CNTNAP2: variants seen among roughly 807,000 people sequenced by gnomAD.
CNTNAP2 encodes the protein contactin associated protein 2.
A neutral mutation model predicts 155.2 loss-of-function variants in CNTNAP2; 98 were observed. The ratio of observed to expected loss-of-function variants is 0.63; its 90% CI spans 0.54 to 0.75. The LOEUF is 0.75. Ranked by LOEUF, CNTNAP2 falls within the 30% of genes least tolerant of loss-of-function variation. The pLI, the probability that CNTNAP2 is intolerant of heterozygous loss-of-function variation, is 0.00. For missense variants in CNTNAP2, 1,727 were observed against 1,688.1 expected, an observed-to-expected ratio of 1.02 and a Z score of -0.40; for synonymous variants, 651 against 631.2, an observed-to-expected ratio of 1.03 and a Z score of -0.47.
At chr7:147,868,427 G>C (rs1337140609) in intron 13 of CNTNAP2, among the ~76,000 whole-genome samples, 2 of 152,210 alleles carry the variant, frequency 1.3e-5, no homozygotes, top group Admixed American at 1.3e-4. Context: ...ACAGGGGTCA[G>C]GGACCCACTT....
intron 4 of CNTNAP2, among the ~76,000 whole-genome samples, chr7:147,107,603 G>C (rs1454421320): frequency 6.6e-6 from 1 of 151,932 alleles, no homozygotes; most frequent in African/African-American, 2.4e-5. Context: ...AAATTCGATT[G>C]GTTGTAAACT....
intron 11 of CNTNAP2, among the ~76,000 whole-genome samples, chr7:147,491,343 C>T (rs533845649): frequency 1.3e-5 from 2 of 152,228 alleles, no homozygotes; most frequent in Admixed American, 1.3e-4. Flanking sequence ...GACATTTGCA[C>T]ATCTACCTCT....
chr7:147,357,838 A>C (rs1796089517), intron 9 of CNTNAP2, among the ~76,000 whole-genome samples: 1 of 152,086 alleles, frequency 6.6e-6, no homozygotes, highest in Admixed American at 6.6e-5. Flanking sequence ...GAGTTAATAA[A>C]GCTTCTACGT....
chr7:148,006,478 C>T (rs1231993512), intron 15 of CNTNAP2, among the ~76,000 whole-genome samples: 2 of 151,746 alleles, frequency 1.3e-5, no homozygotes, highest in Non-Finnish European at 2.9e-5. Context: ...CGCCACCACG[C>T]CTGGCTATTT....
chr7:146,393,085 CT>C (rs1795568671), intron 1 of CNTNAP2, among the ~76,000 whole-genome samples: 1 of 152,092 alleles, frequency 6.6e-6, no homozygotes, highest in African/African-American at 2.4e-5. Flanking sequence ...GCTTTTTGCG[CT>C]TCTATTATCT....
At chr7:147,862,617 G>A (rs529515007) in intron 13 of CNTNAP2, among the ~76,000 whole-genome samples, 118 of 134,958 alleles carry the variant, frequency 8.7e-4, no homozygotes, top group Middle Eastern at 7.4e-3. Context: ...GTATGTCTGA[G>A]ACCACTCATA....
intron 3 of CNTNAP2, among the ~76,000 whole-genome samples, chr7:146,988,265 C>T (rs1248936054): frequency 6.6e-6 from 1 of 151,978 alleles, no homozygotes; most frequent in Non-Finnish European, 1.5e-5. Context: ...TAGAATTCAA[C>T]TTACCAGAGA....
In CNTNAP2 at chr7:147,674,710, T is replaced by C. The variant is rs527481904; in HGVS notation, c.2098+35404T>C. Among the ~76,000 whole-genome samples, 6 of 152,290 alleles carry C rather than the reference T, an allele frequency of 3.9e-5. No individual in the cohort carries two copies. The East Asian group carries it at 1.2e-3, about 29-fold the overall frequency. On this transcript the variant is annotated intron_variant, in intron 13 of 23. Coordinates refer to ENST00000361727, the MANE Select transcript of CNTNAP2 (RefSeq NM_014141.6). ...GAAATTTACACTGGTAATTGGAGCT[T>C]GTCCATAGAATTTATTCCTTATTAC...
chr7:147,792,497 AGTGTGT>A lies in CNTNAP2; in HGVS notation c.2099-111055_2099-111050del, dbSNP rs3054133. ...TGTTTTTGAAGTCAATCCACGTTGT[AGTGTGT>A]GTGTGTGTGTGTATATATATATATC... On this transcript the variant is annotated intron_variant, in intron 13 of 23. Coordinates refer to ENST00000361727, the MANE Select transcript of CNTNAP2 (RefSeq NM_014141.6). Among the ~76,000 whole-genome samples, 28 of 150,734 alleles carry A rather than the reference AGTGTGT, an allele frequency of 1.9e-4. 1 individual carries two copies. In the South Asian group the frequency reaches 5.7e-3, roughly 31 times the overall value.
chr7:147,149,035 CGCTGCTGGCTGGGGTG>C (rs201038829), intron 8 of CNTNAP2, among the ~76,000 whole-genome samples: 1,641 of 152,202 alleles, frequency 0.011, 21 homozygotes, highest in African/African-American at 0.036. Flanking sequence ...AGCAAGTTGC[CGCTGCTGGCTGGGGTG>C]GCTGCTGGCT....
rs561598261 is a variant in CNTNAP2 at position 146,803,018 on chromosome 7, G to T, written c.208+28637G>T. On this transcript the variant is annotated intron_variant, in intron 2 of 23. Transcript: ENST00000361727. ...GCAAAAGTGAAAAATCTGAGATCTT[G>T]CAGGTAAAAAATAAATAAATAAATA... 3.9e-5 allele frequency among the ~76,000 whole-genome samples: 6 copies of T among 152,168 alleles called. No individual in the cohort carries two copies. The East Asian group carries it at 9.7e-4, about 25-fold the overall frequency.
At chr7:146,994,376 G>A (rs1462540741) in intron 3 of CNTNAP2, among the ~76,000 whole-genome samples, 1 of 152,054 alleles carries the variant, frequency 6.6e-6, no homozygotes, top group African/African-American at 2.4e-5. Context: ...TACTGTTAAA[G>A]TTCTCATTTC....
At chr7:147,720,289 A>T (rs1796545163) in intron 13 of CNTNAP2, among the ~76,000 whole-genome samples, 1 of 152,098 alleles carries the variant, frequency 6.6e-6, no homozygotes, top group Admixed American at 6.6e-5. Flanking sequence ...TGTGGGAGAT[A>T]AGCTGTTCTA....
At chr7:147,607,932 G>A (rs1233739533) in intron 12 of CNTNAP2, among the ~76,000 whole-genome samples, 1 of 152,110 alleles carries the variant, frequency 6.6e-6, no homozygotes, top group Admixed American at 6.5e-5. Flanking sequence ...TTTATATGCT[G>A]CCTCTCATTA....
rs184443583 is a variant in CNTNAP2 at position 147,244,021 on chromosome 7, C to G, written c.1349-56120C>G. 2.7e-3 allele frequency among the ~76,000 whole-genome samples: 408 copies of G among 152,278 alleles called. 1 individual carries two copies. The highest frequency in any genetic ancestry group is 9.2e-3 in the African/African-American group (382 of 41,562). ...CATAATCAGTCTGACTTTTCTCACT[C>G]GTTTCTGCCTGAGGTGGAGGTGGGG... On this transcript the variant is annotated intron_variant, in intron 8 of 23. Coordinates refer to ENST00000361727, the MANE Select transcript of CNTNAP2 (RefSeq NM_014141.6).
Position 147,251,669 on chromosome 7 carries a change from G to T in CNTNAP2, c.1349-48472G>T, listed in dbSNP as rs958709349. On this transcript the variant is annotated intron_variant, in intron 8 of 23. Transcript: ENST00000361727. ...TTTGTGGACTTGGTCATGTCTGACT[G>T]TGCACTGCTCATGATACCTTCCTAT... is the stretch of plus-strand genomic sequence containing the variant. Among the ~76,000 whole-genome samples the T allele has an allele frequency of 2.0e-5, 3 of 152,184 alleles. No homozygotes were observed. In the South Asian group the frequency reaches 6.2e-4, roughly 32 times the overall value.
At chr7:146,242,372 T>C (rs1400119841) in intron 1 of CNTNAP2, among the ~76,000 whole-genome samples, 1 of 151,982 alleles carries the variant, frequency 6.6e-6, no homozygotes, top group Non-Finnish European at 1.5e-5. Flanking sequence ...ACCCCGTCTC[T>C]ACTAAAATAC....
At chr7:146,691,944 A>C (rs1800704262) in intron 1 of CNTNAP2, among the ~76,000 whole-genome samples, 1 of 152,146 alleles carries the variant, frequency 6.6e-6, no homozygotes, top group Admixed American at 6.6e-5. Context: ...CAGGCCCCTA[A>C]AAATTTAAGG....
chr7:147,246,712 T>C (rs1267211420), intron 8 of CNTNAP2, among the ~76,000 whole-genome samples: 1 of 152,168 alleles, frequency 6.6e-6, no homozygotes, highest in East Asian at 1.9e-4. Context: ...GGTGATTTGC[T>C]TTACTAAAAA....
Sources: gnomAD v4.1 joint callset for allele counts (sites outside exome capture counted in the v4.1 genomes callset) on GRCh38, gnomAD v4.1.1 for gene constraint, MANE v1.5 for transcripts, NCBI Gene and HGNC (gene_info 2026-07-23, HGNC 2026-07-21) for gene names.